The following APBA2 variants were observed in gnomAD, a reference collection of about 807,000 sequenced individuals.
The protein encoded by APBA2 is amyloid-beta A4 precursor protein-binding family A member 2.
A neutral mutation model predicts 75.0 loss-of-function variants in APBA2; 30 were observed. The observed-to-expected ratio is 0.40, with a 90% CI of 0.30 to 0.54. APBA2 has a LOEUF of 0.54. APBA2 is among the 20% of genes least tolerant of loss of function. The probability of loss-of-function intolerance (pLI) is 0.49; values close to 1 mark genes in which losing one functional copy is unlikely to be tolerated. For missense variants in APBA2, 801 were observed against 1,016.1 expected (o/e 0.79, Z 2.88); for synonymous variants, 444 against 409.6 (o/e 1.08, Z -1.01).
intron 10 of APBA2, among the ~76,000 whole-genome samples, chr15:29,103,882 A>C (rs1335228699): frequency 6.6e-6 from 1 of 152,122 alleles, no homozygotes; most frequent in Non-Finnish European, 1.5e-5. Flanking sequence ...CCTCCTGCCG[A>C]GCCCCATCAG....
chr15:28,898,009 T>C (rs540517155), intron 1 of APBA2, among the ~76,000 whole-genome samples: 121 of 152,240 alleles, frequency 7.9e-4, no homozygotes, highest in African/African-American at 2.6e-3. Context: ...CAGAGAGAGA[T>C]GTGACCAAGG....
chr15:29,006,695 G>T (rs2039134209), intron 3 of APBA2, among the ~76,000 whole-genome samples: 1 of 152,144 alleles, frequency 6.6e-6, no homozygotes, highest in Admixed American at 6.5e-5. Context: ...GATCTCATGA[G>T]ATTTATTCAC....
intron 3 of APBA2, among the ~76,000 whole-genome samples, chr15:29,033,624 A>C (rs563515927): frequency 6.6e-6 from 1 of 152,072 alleles, no homozygotes; most frequent in African/African-American, 2.4e-5. Flanking sequence ...TAACAATGAC[A>C]GTTTCATTAT....
chr15:29,085,572 A>G (rs1044451643), intron 6 of APBA2, among the ~76,000 whole-genome samples: 3 of 151,774 alleles, frequency 2.0e-5, no homozygotes, highest in Non-Finnish European at 4.4e-5. Context: ...GACAGCCTTT[A>G]AAAGATAACC....
intron 2 of APBA2, among the ~76,000 whole-genome samples, chr15:28,954,756 G>A (rs555204721): frequency 9.7e-4 from 148 of 152,272 alleles, no homozygotes; most frequent in African/African-American, 3.5e-3. Context: ...CTGCACTCTG[G>A]CCTCTCACCT....
At chr15:28,923,150 T>C (rs2034066986) in intron 2 of APBA2, among the ~76,000 whole-genome samples, 1 of 152,186 alleles carries the variant, frequency 6.6e-6, no homozygotes, top group African/African-American at 2.4e-5. Context: ...CATATGCATA[T>C]TTTAAGATGT....
intron 3 of APBA2, among the ~76,000 whole-genome samples, chr15:29,051,715 T>TG (rs2041602796): frequency 6.6e-6 from 1 of 152,154 alleles, no homozygotes; most frequent in Non-Finnish European, 1.5e-5. Flanking sequence ...TTTGGAGCTC[T>TG]GGGGGGATAC....
chr15:29,097,531 T>C (rs957357631), intron 8 of APBA2, among the ~76,000 whole-genome samples: 1 of 152,250 alleles, frequency 6.6e-6, no homozygotes, highest in Non-Finnish European at 1.5e-5. Flanking sequence ...CTTCGAGTTA[T>C]TACTTTTTAC....
intron 3 of APBA2, among the ~76,000 whole-genome samples, chr15:29,048,237 A>C (rs892613399): frequency 2.0e-5 from 3 of 152,208 alleles, no homozygotes; most frequent in African/African-American, 7.2e-5. Context: ...AATCCCAGCC[A>C]CTCAGGAGGC....
chr15:29,080,244 C>G (rs75549367), intron 6 of APBA2, among the ~76,000 whole-genome samples: 1 of 152,116 alleles, frequency 6.6e-6, no homozygotes. Context: ...AATCCCGGGC[C>G]GAAGGTCACC....
chr15:28,962,185 A>G (rs2036509722), intron 2 of APBA2, among the ~76,000 whole-genome samples: 1 of 152,136 alleles, frequency 6.6e-6, no homozygotes, highest in African/African-American at 2.4e-5. Context: ...GTGTCTTCAT[A>G]TTGGCCTCTG....
chr15:28,965,061 A>G (rs960453354), intron 2 of APBA2, among the ~76,000 whole-genome samples: 4 of 150,992 alleles, frequency 2.6e-5, no homozygotes, highest in Admixed American at 6.6e-5. Flanking sequence ...AAGGTCCCAA[A>G]GCTCTTTCCT....
At chr15:29,105,305 G>A (rs563103609) in intron 10 of APBA2, 74 bp from the exon 11 acceptor site, 78 of 1,486,598 alleles carry the variant, frequency 5.2e-5, no homozygotes, top group African/African-American at 2.9e-4. Context: ...CAGCCCTGCC[G>A]CAGCCCCCTG....
intron 1 of APBA2, among the ~76,000 whole-genome samples, chr15:28,909,951 G>A (rs1056697123): frequency 6.6e-6 from 1 of 152,162 alleles, no homozygotes; most frequent in African/African-American, 2.4e-5. Context: ...CTGGTCACTT[G>A]TACCAGAGCC....
intron 2 of APBA2, among the ~76,000 whole-genome samples, chr15:28,924,635 A>G (rs576506414): frequency 3.0e-4 from 46 of 152,352 alleles, no homozygotes; most frequent in African/African-American, 1.0e-3. Context: ...CATTCTGCAG[A>G]TACACCACAT....
intron 4 of APBA2, among the ~76,000 whole-genome samples, chr15:29,056,565 C>G (rs1035488476): frequency 1.5e-4 from 5 of 33,912 alleles, no homozygotes; most frequent in Admixed American, 5.3e-4. Flanking sequence ...TCCTTTCCTC[C>G]CTTCCTCCCT....
rs930646706 is a variant in APBA2 at position 29,117,268 on chromosome 15, C to G, written c.*135C>G. On this transcript the variant is annotated 3_prime_UTR_variant, in exon 15 of 15. Coordinates refer to ENST00000683413, the MANE Select transcript of APBA2 (RefSeq NM_001353788.2). ...ACGCTGGCTCCCCAAAGGGTGTGCC[C>G]TCACCACCCACTTGATTTTTTTCAT... 2.3e-5 allele frequency: 17 copies of G among 752,640 alleles called. No individual in the cohort carries two copies. The highest frequency in any genetic ancestry group is 4.9e-5 in the Admixed American group (2 of 40,810). The allele number at this position is 752,640 out of a possible 1,614,324, so 46.6% of individuals were successfully genotyped here. A position where few individuals can be genotyped will look rare whatever the true frequency, so the allele number is the denominator to read the frequency against.
At chr15:29,033,964 CAAAA>C (rs34808408) in intron 3 of APBA2, among the ~76,000 whole-genome samples, 5 of 39,556 alleles carry the variant, frequency 1.3e-4, no homozygotes, top group East Asian at 6.7e-4. Flanking sequence ...GACTCCATCT[CAAAA>C]AAAAAAAAAA....
Position 29,054,783 on chromosome 15 carries a change from T to A in APBA2, c.899T>A (p.Phe300Tyr). 1.2e-6 allele frequency: 2 copies of A among 1,603,504 alleles called. No individual in the cohort carries two copies. Among genetic ancestry groups the A allele is most frequent in the Middle Eastern group, 1.7e-4 (1 of 6,056 alleles). ...AKHPGDPQRG[F>Y]KPKTRTPEER... ...CACCCCGGAGACCCCCAGAGAGGCTTCAAGCCCAAGACCAGGACCCCAGAA... is the reference window on the plus strand; with the variant it reads ...CACCCCGGAGACCCCCAGAGAGGCTACAAGCCCAAGACCAGGACCCCAGAA... Residue 300 changes from phenylalanine to tyrosine, a missense_variant, in exon 4 of 15, where the codon TTC (phenylalanine) becomes TAC (tyrosine). Physicochemically the swap from Phe to Tyr is conservative, Grantham distance 22 (BLOSUM62 3). Around this residue, in one of 2 missense-constraint regions of APBA2, gnomAD observed 434 missense variants for 471.6 expected, o/e 0.92. Coordinates refer to ENST00000683413, the MANE Select transcript of APBA2 (RefSeq NM_001353788.2). This position sits in a 1 kb window ranked among gnomAD's most constrained non-coding sequence, Gnocchi z 6.1.
Sources: allele counts gnomAD v4.1 joint callset (sites outside exome capture counted in the v4.1 genomes callset), GRCh38; gene constraint gnomAD v4.1.1; regional missense constraint gnomAD v4.1.1; non-coding constraint Gnocchi (gnomAD v3.1); transcripts MANE v1.5; gene names NCBI Gene and HGNC (gene_info 2026-07-23, HGNC 2026-07-21).